The following LIMK1 variants were observed in gnomAD, a reference collection of about 807,000 sequenced individuals.
LIMK1 encodes LIM domain kinase 1.
A neutral mutation model predicts 77.6 loss-of-function variants in LIMK1; 21 were observed. That is an observed-to-expected ratio of 0.27 (90% CI 0.19 to 0.39). The LOEUF is 0.39. LIMK1 is among the 10% of genes least tolerant of loss of function. The pLI is 1.00. For missense variants in LIMK1, 696 were observed against 901.6 expected (o/e 0.77, Z 2.92); for synonymous variants, 358 against 370.0 (o/e 0.97, Z 0.37).
chr7:74,106,333 G>A (rs1306331316), intron 7 of LIMK1, 90 bp downstream of exon 7: 3 of 1,429,506 alleles, frequency 2.1e-6, no homozygotes, highest in Non-Finnish European at 2.8e-6. Flanking sequence ...AGCCAGCCCT[G>A]CACAAATGCA....
chr7:74,098,832 C>T lies in LIMK1; in HGVS notation c.402-200C>T, dbSNP rs1799388951. ...GCACTTTTGGACAATTGCTAGCTTT[C>T]CTTTTCTTTTGAGACAGAGTCTTGC... On this transcript the variant is annotated intron_variant, in intron 4 of 15. Transcript: ENST00000336180. Among the ~76,000 whole-genome samples the T allele has an allele frequency of 2.7e-5, 4 of 150,064 alleles. No individual in the cohort carries two copies. In the Admixed American group the frequency reaches 2.7e-4, roughly 10 times the overall value.
chr7:74,085,903 G>C (rs1554693998), intron 2 of LIMK1, 59 bp downstream of exon 2: 11 of 1,337,424 alleles, frequency 8.2e-6, no homozygotes, highest in Admixed American at 5.9e-5. Context: ...GAGAGGACAG[G>C]CTGGTCAAGG....
In LIMK1 at chr7:74,085,745, C is replaced by A; in HGVS notation, c.56-3C>A. 1 of 1,553,546 alleles carries A rather than the reference C, an allele frequency of 6.4e-7. No individual in the cohort carries two copies. Among genetic ancestry groups the A allele is most frequent in the Non-Finnish European group, 8.7e-7 (1 of 1,148,240 alleles). On this transcript the variant is annotated splice_polypyrimidine_tract_variant and splice_region_variant and intron_variant, in intron 1 of 15. Transcript: ENST00000336180. ...GCTTCCCAACTCCCTTCCCACCCTGCAGGAAGCGAGTTGCCCGTGTGTGCA... is the reference window on the plus strand; with the variant it reads ...GCTTCCCAACTCCCTTCCCACCCTGAAGGAAGCGAGTTGCCCGTGTGTGCA...
chr7:74,086,452 C>G (rs188878564), intron 2 of LIMK1, among the ~76,000 whole-genome samples: 1 of 151,966 alleles, frequency 6.6e-6, no homozygotes, highest in South Asian at 2.1e-4. Context: ...CTCCATCTCC[C>G]GGGCTAAAGT....
At position 74,116,121 on chromosome 7, in the gene LIMK1, C is replaced by T. The variant is rs937278875; in HGVS notation, c.1567+163C>T. Among the ~76,000 whole-genome samples, 4 of 152,172 alleles carry T rather than the reference C, an allele frequency of 2.6e-5. No homozygotes were observed. The South Asian group carries it at 8.3e-4, about 31-fold the overall frequency. On this transcript the variant is annotated intron_variant, in intron 13 of 15. Coordinates refer to ENST00000336180, the MANE Select transcript of LIMK1 (RefSeq NM_002314.4). ...TAACACACTTAGTGGCAGCCAGGCACGGTGGCTCACGCCTGTAATCCCAGC... is the reference window on the plus strand; with the variant it reads ...TAACACACTTAGTGGCAGCCAGGCATGGTGGCTCACGCCTGTAATCCCAGC...
intron 7 of LIMK1, 107 bp downstream of exon 7, chr7:74,106,350 G>A (rs2115705277): frequency 7.6e-7 from 1 of 1,318,872 alleles, no homozygotes; most frequent in Non-Finnish European, 1.0e-6. Flanking sequence ...TGCAGCCCAG[G>A]CTTGAGCCAG....
At chr7:74,099,735 AT>A (rs1799417441) in intron 5 of LIMK1, among the ~76,000 whole-genome samples, 1 of 152,132 alleles carries the variant, frequency 6.6e-6, no homozygotes. Flanking sequence ...TATCAAAAAA[AT>A]AAAAATAAAA....
At chr7:74,091,530 G>A (rs1367826932) in intron 2 of LIMK1, among the ~76,000 whole-genome samples, 10 of 152,138 alleles carry the variant, frequency 6.6e-5, no homozygotes, top group South Asian at 6.2e-4. Context: ...TTTTTAAAAA[G>A]CGATTTTACA....
rs1306248461 is a variant in LIMK1 at position 74,122,027 on chromosome 7, C to A, written c.*726C>A. 2.0e-5 allele frequency: 3 copies of A among 152,674 alleles called. No individual in the cohort carries two copies. The highest frequency in any genetic ancestry group is 2.9e-5 in the Non-Finnish European group (2 of 68,136). 9.5% of individuals were successfully genotyped at this position (152,674 alleles called of 1,614,324 possible). A position where few individuals can be genotyped will look rare whatever the true frequency, so the allele number is the denominator to read the frequency against. ...GGTCCCTTGAGGGAGCGTGGAGCTGCGGTGCCCTGGCCGGCGATGGGGAGG... is the reference window on the plus strand; with the variant it reads ...GGTCCCTTGAGGGAGCGTGGAGCTGAGGTGCCCTGGCCGGCGATGGGGAGG... On this transcript the variant is annotated 3_prime_UTR_variant, in exon 16 of 16. Transcript: ENST00000336180.
intron 15 of LIMK1, 36 bp downstream of exon 15, chr7:74,121,085 G>A (rs1554700487): frequency 6.3e-7 from 1 of 1,597,190 alleles, no homozygotes; most frequent in South Asian, 1.1e-5. Flanking sequence ...GGAGACGGTG[G>A]GGCCGATTCC....
Position 74,099,245 on chromosome 7 carries a change from G to A in LIMK1, c.608+7G>A, listed in dbSNP as rs781853522. Reference sequence around the variant, plus strand: ...ACACCGTCCGCGTCCAGGGGTGAGTGGCCGGCCTGCCGAGGCTGCCGTCGG... The same window carrying A: ...ACACCGTCCGCGTCCAGGGGTGAGTAGCCGGCCTGCCGAGGCTGCCGTCGG... On this transcript the variant is annotated splice_region_variant and intron_variant, in intron 5 of 15. Transcript: ENST00000336180. 1.2e-6 allele frequency: 2 copies of A among 1,600,840 alleles called. No homozygotes were observed. The highest frequency in any genetic ancestry group is 2.2e-5 in the South Asian group (2 of 91,016).
At chr7:74,119,562 G>A (rs1032279969) in intron 13 of LIMK1, among the ~76,000 whole-genome samples, 23 of 151,910 alleles carry the variant, frequency 1.5e-4, no homozygotes, top group African/African-American at 5.3e-4. Context: ...GAGAGTCTGT[G>A]TCAGTTTCCT....
At chr7:74,112,387 A>G (rs1488589317) in intron 12 of LIMK1, among the ~76,000 whole-genome samples, 6 of 152,214 alleles carry the variant, frequency 3.9e-5, no homozygotes, top group Non-Finnish European at 7.3e-5. Flanking sequence ...GAGTGGGGGC[A>G]TAGGCGTATG....
chr7:74,103,262 T>C (rs1393560922), intron 5 of LIMK1, among the ~76,000 whole-genome samples: 4 of 151,556 alleles, frequency 2.6e-5, no homozygotes, highest in African/African-American at 7.3e-5. Flanking sequence ...TTTTTTTTTT[T>C]TTTTTTTAAA....
rs1434525453 is a variant in LIMK1, at chr7:74,108,013, G to A, written c.1152+56G>A. 5 of 1,314,166 alleles carry A rather than the reference G, an allele frequency of 3.8e-6. No individual in the cohort carries two copies. The African/African-American group carries it at 4.4e-5, about 12-fold the overall frequency. 81.4% of individuals were successfully genotyped at this position (1,314,166 alleles called of 1,614,324 possible). A position where few individuals can be genotyped will look rare whatever the true frequency, so the allele number is the denominator to read the frequency against. On this transcript the variant is annotated intron_variant, in intron 9 of 15. Transcript: ENST00000336180. Reference sequence around the variant, plus strand: ...GAGGGACTTCCAGGTGCTCACCCCTGCCCCATCAACACAGGTCGGAAAAGG... The same window carrying A: ...GAGGGACTTCCAGGTGCTCACCCCTACCCCATCAACACAGGTCGGAAAAGG...
At position 74,087,534 on chromosome 7, in the gene LIMK1, A is replaced by G. The variant is rs527748983; in HGVS notation, c.152+1690A>G. On this transcript the variant is annotated intron_variant, in intron 2 of 15. Transcript: ENST00000336180. ...AGGTGAAGCTTCTGGGATGCCCAGC[A>G]GGGGTCAAGACATCCACCACTAGGA... Among the ~76,000 whole-genome samples the G allele has an allele frequency of 3.9e-5, 6 of 152,326 alleles. No homozygotes were observed. In the East Asian group the frequency reaches 1.2e-3, roughly 29 times the overall value.
chr7:74,108,829 T>C, intron 9 of LIMK1, 76 bp from the exon 10 acceptor site: 2 of 1,556,456 alleles, frequency 1.3e-6, no homozygotes, highest in Non-Finnish European at 8.7e-7. Context: ...CCTGGTGGGA[T>C]GGAAAAGGGA....
At chr7:74,113,564 G>A (rs1799745439) in intron 12 of LIMK1, among the ~76,000 whole-genome samples, 1 of 151,942 alleles carries the variant, frequency 6.6e-6, no homozygotes, top group South Asian at 2.1e-4. Context: ...GGCAGAGGTT[G>A]TAGTGAGCTG....
chr7:74,097,632 C>T (rs1799362700), intron 4 of LIMK1, among the ~76,000 whole-genome samples: 1 of 152,182 alleles, frequency 6.6e-6, no homozygotes, highest in Non-Finnish European at 1.5e-5. Flanking sequence ...GCCAAGATTG[C>T]ACCACTGCCC....
Sources: allele counts gnomAD v4.1 joint callset (sites outside exome capture counted in the v4.1 genomes callset), GRCh38; gene constraint gnomAD v4.1.1; transcripts MANE v1.5; gene names NCBI Gene and HGNC (gene_info 2026-07-23, HGNC 2026-07-21).